Variants in STK32B observed in about 807,000 individuals in gnomAD.
The protein encoded by STK32B is serine/threonine kinase 32B.
A neutral mutation model predicts 52.6 loss-of-function variants in STK32B; 43 were observed. The observed-to-expected ratio is 0.82, with a 90% CI of 0.64 to 1.05. The LOEUF is 1.05. STK32B is among the 50% of genes least tolerant of loss of function. The pLI is 0.00. For missense variants in STK32B, 621 were observed against 534.6 expected (o/e 1.16, Z -1.59); for synonymous variants, 238 against 204.3 (o/e 1.17, Z -1.41).
chr4:5,339,406 T>C lies in STK32B; in HGVS notation c.434+8013T>C, dbSNP rs1258286231. 5.9e-5 allele frequency among the ~76,000 whole-genome samples: 9 copies of C among 152,340 alleles called. No individual in the cohort carries two copies. The East Asian group carries it at 1.7e-3, about 29-fold the overall frequency. ...GTTGGCAGAGATTTGAGTCAGCGTT[T>C]TTTACCTCCTTTCTTATGGTTCATA... On this transcript the variant is annotated intron_variant, in intron 4 of 11. Coordinates refer to ENST00000282908, the MANE Select transcript of STK32B (RefSeq NM_018401.3).
At chr4:5,247,518 T>A (rs1030770198) in intron 3 of STK32B, among the ~76,000 whole-genome samples, 1 of 152,190 alleles carries the variant, frequency 6.6e-6, no homozygotes, top group African/African-American at 2.4e-5. Context: ...CCCTTGCACT[T>A]CTCGGGTGAG....
chr4:5,066,840 T>A (rs1347667302), intron 1 of STK32B, among the ~76,000 whole-genome samples: 1 of 152,198 alleles, frequency 6.6e-6, no homozygotes, highest in Middle Eastern at 3.2e-3. Flanking sequence ...GACTCAGTCA[T>A]CTCCCACTTA....
intron 5 of STK32B, among the ~76,000 whole-genome samples, chr4:5,413,892 C>T (rs1711926260): frequency 6.6e-6 from 1 of 152,194 alleles, no homozygotes; most frequent in African/African-American, 2.4e-5. Context: ...TGCTCATATT[C>T]TGTTTATAGT....
chr4:5,132,017 A>T (rs1007257959), intron 1 of STK32B, among the ~76,000 whole-genome samples: 2 of 152,160 alleles, frequency 1.3e-5, no homozygotes, highest in Non-Finnish European at 2.9e-5. Context: ...TCCTCATAAG[A>T]GGGAGGCATT....
At chr4:5,416,633 T>G (rs1390798062) in intron 5 of STK32B, among the ~76,000 whole-genome samples, 7 of 152,188 alleles carry the variant, frequency 4.6e-5, no homozygotes, top group African/African-American at 1.7e-4. Flanking sequence ...CTCAATATAT[T>G]TATGTAAAAA....
At chr4:5,494,119 A>G (rs1046733011) in intron 11 of STK32B, among the ~76,000 whole-genome samples, 2 of 152,124 alleles carry the variant, frequency 1.3e-5, no homozygotes, top group South Asian at 2.1e-4. Flanking sequence ...GCTGAGTTCA[A>G]TTCCTGGGTA....
At chr4:5,366,128 C>A (rs1734861580) in intron 4 of STK32B, among the ~76,000 whole-genome samples, 1 of 152,094 alleles carries the variant, frequency 6.6e-6, no homozygotes, top group African/African-American at 2.4e-5. Flanking sequence ...AGCCAAGGGC[C>A]CTTGATCCCC....
chr4:5,410,927 T>C (rs1425073307), intron 5 of STK32B, among the ~76,000 whole-genome samples: 2 of 152,098 alleles, frequency 1.3e-5, no homozygotes, highest in Non-Finnish European at 2.9e-5. Flanking sequence ...CAAGTTGATA[T>C]CTTGTAGTTG....
chr4:5,097,851 T>G (rs958486499), intron 1 of STK32B, among the ~76,000 whole-genome samples: 2 of 152,232 alleles, frequency 1.3e-5, no homozygotes, highest in Non-Finnish European at 2.9e-5. Flanking sequence ...ACAATAACCT[T>G]TTAACATTGC....
At chr4:5,452,458 T>C (rs1716092546) in intron 7 of STK32B, among the ~76,000 whole-genome samples, 1 of 152,112 alleles carries the variant, frequency 6.6e-6, no homozygotes, top group Non-Finnish European at 1.5e-5. Context: ...GTCTGTGATC[T>C]CCATTCAAAG....
chr4:5,077,113 C>G (rs1712129347), intron 1 of STK32B, among the ~76,000 whole-genome samples: 1 of 152,150 alleles, frequency 6.6e-6, no homozygotes, highest in Admixed American at 6.6e-5. Context: ...CCTTTTCTGC[C>G]ACATTTCTTT....
chr4:5,486,684 G>C (rs999689450), intron 11 of STK32B, among the ~76,000 whole-genome samples: 1 of 152,198 alleles, frequency 6.6e-6, no homozygotes, highest in Non-Finnish European at 1.5e-5. Context: ...CTCATGCTGG[G>C]AGCTGTAGAC....
intron 6 of STK32B, among the ~76,000 whole-genome samples, chr4:5,422,300 A>G (rs1331583137): frequency 6.6e-6 from 1 of 152,154 alleles, no homozygotes; most frequent in East Asian, 1.9e-4. Flanking sequence ...GGGGCTGTAA[A>G]TTCCTAATGC....
chr4:5,316,976 TAA>T (rs1378517712), intron 3 of STK32B, among the ~76,000 whole-genome samples: 1 of 24,940 alleles, frequency 4.0e-5, no homozygotes, highest in Non-Finnish European at 5.5e-5. Context: ...ATAATATATA[TAA>T]TATATAATAT....
intron 3 of STK32B, among the ~76,000 whole-genome samples, chr4:5,300,531 C>T (rs1729487223): frequency 6.6e-6 from 1 of 152,124 alleles, no homozygotes; most frequent in African/African-American, 2.4e-5. Flanking sequence ...ACTTAGAAAA[C>T]CCTAAAGATT....
intron 3 of STK32B, among the ~76,000 whole-genome samples, chr4:5,313,350 A>T (rs937011386): frequency 3.3e-5 from 5 of 152,058 alleles, no homozygotes; most frequent in African/African-American, 1.2e-4. Context: ...AACATTCATG[A>T]TAAAAACTCT....
At chr4:5,124,623 G>A (rs1577084276) in intron 1 of STK32B, among the ~76,000 whole-genome samples, 1 of 152,280 alleles carries the variant, frequency 6.6e-6, no homozygotes, top group East Asian at 1.9e-4. Flanking sequence ...GTCTCAATGA[G>A]GCTTCCCATT....
intron 1 of STK32B, among the ~76,000 whole-genome samples, chr4:5,079,067 C>T (rs999009896): frequency 1.3e-5 from 2 of 152,180 alleles, no homozygotes; most frequent in Admixed American, 6.5e-5. Flanking sequence ...CAATTCCTCT[C>T]CAAACTTTTT....
intron 3 of STK32B, among the ~76,000 whole-genome samples, chr4:5,328,867 G>C (rs555057061): frequency 1.3e-5 from 2 of 152,172 alleles, no homozygotes; most frequent in Admixed American, 1.3e-4. Flanking sequence ...TCTTTGTTGA[G>C]GGGGAGGAGC....
Sources: gnomAD v4.1 joint callset for allele counts (sites outside exome capture counted in the v4.1 genomes callset) on GRCh38, gnomAD v4.1.1 for gene constraint, MANE v1.5 for transcripts, NCBI Gene and HGNC (gene_info 2026-07-23, HGNC 2026-07-21) for gene names.